The following MAD1L1 variants were observed in gnomAD, a reference collection of about 807,000 sequenced individuals.
The protein encoded by MAD1L1 is mitotic spindle assembly checkpoint protein MAD1.
A neutral mutation model predicts 96.9 loss-of-function variants in MAD1L1; 95 were observed. The ratio of observed to expected loss-of-function variants is 0.98; its 90% CI spans 0.83 to 1.16. The LOEUF (loss-of-function observed/expected upper bound fraction) is 1.16, where lower values mean the gene tolerates loss of function less well. Among genes scored for constraint, MAD1L1 ranks in the 50% most tolerant of loss-of-function variants. The probability of loss-of-function intolerance (pLI) is 0.00; values close to 1 mark genes in which losing one functional copy is unlikely to be tolerated. For synonymous variants in MAD1L1, 473 were observed against 396.6 expected, an observed-to-expected ratio of 1.19 and a Z score of -2.29; for missense variants, 1,007 against 954.4, an observed-to-expected ratio of 1.06 and a Z score of -0.73.
intron 17 of MAD1L1, among the ~76,000 whole-genome samples, chr7:1,923,331 G>C (rs1424517761): frequency 1.3e-5 from 2 of 152,236 alleles, no homozygotes; most frequent in South Asian, 2.1e-4. Flanking sequence ...TAAAACCTGG[G>C]AGTGAGCACA....
intron 18 of MAD1L1, among the ~76,000 whole-genome samples, chr7:1,851,081 G>GC (rs1022850783): frequency 6.6e-6 from 1 of 152,362 alleles, no homozygotes; most frequent in South Asian, 2.1e-4. Context: ...CAGGAAGTAA[G>GC]CCCACAGGCC....
At chr7:2,007,653 G>A (rs1291420839) in intron 13 of MAD1L1, among the ~76,000 whole-genome samples, 7 of 152,272 alleles carry the variant, frequency 4.6e-5, no homozygotes, top group Middle Eastern at 3.4e-3. Context: ...CAGCCCGGGC[G>A]ACTGAGCGAG....
chr7:2,002,054 G>A lies in MAD1L1; in HGVS notation c.1416+11C>T, dbSNP rs373520914. 56 of 1,612,944 alleles carry A rather than the reference G, an allele frequency of 3.5e-5. 1 individual carries two copies. The highest frequency in any genetic ancestry group is 2.1e-4 in the African/African-American group (16 of 74,952). On this transcript the variant is annotated intron_variant, in intron 14 of 18. Transcript: ENST00000265854. ...TGCCCTGAATCCCAGCCACTCCCGC[G>A]TCTGACTCACCATGTCTGCTCTTTG... is the stretch of plus-strand genomic sequence containing the variant.
intron 12 of MAD1L1, among the ~76,000 whole-genome samples, chr7:2,026,305 C>T (rs567934256): frequency 1.3e-5 from 2 of 152,120 alleles, no homozygotes; most frequent in South Asian, 4.2e-4. Flanking sequence ...AAACAGCATC[C>T]AAAGACATAC....
chr7:1,835,727 A>T (rs1366282260), intron 18 of MAD1L1, among the ~76,000 whole-genome samples: 5 of 152,150 alleles, frequency 3.3e-5, no homozygotes, highest in Non-Finnish European at 7.4e-5. Flanking sequence ...GAAAGTAAAG[A>T]AACAGAAGAA....
intron 12 of MAD1L1, 130 bp from the exon 13 acceptor site, chr7:2,014,772 C>G (rs1185262614): frequency 2.8e-6 from 3 of 1,055,342 alleles, no homozygotes; most frequent in African/African-American, 3.2e-5. Flanking sequence ...GGCCAGCACT[C>G]AGAGCCCACC....
At chr7:2,108,088 T>C (rs1318240668) in intron 11 of MAD1L1, among the ~76,000 whole-genome samples, 2 of 152,136 alleles carry the variant, frequency 1.3e-5, no homozygotes, top group Non-Finnish European at 2.9e-5. Context: ...ATGGATCATT[T>C]TTAAATACAA....
chr7:1,984,964 T>C (rs1380286144), intron 14 of MAD1L1, among the ~76,000 whole-genome samples: 2 of 152,242 alleles, frequency 1.3e-5, no homozygotes, highest in Non-Finnish European at 2.9e-5. Context: ...CTCAGCTTTG[T>C]TTCACACCGA....
intron 14 of MAD1L1, among the ~76,000 whole-genome samples, chr7:1,997,623 C>T (rs1781614936): frequency 6.6e-6 from 1 of 152,396 alleles, no homozygotes; most frequent in South Asian, 2.1e-4. Flanking sequence ...CACCTGTAAC[C>T]CCCGGGAAGA....
chr7:1,893,637 T>C lies in MAD1L1; in HGVS notation c.1998+4563A>G, dbSNP rs978153641. Among the ~76,000 whole-genome samples the C allele has an allele frequency of 2.0e-5, 3 of 152,070 alleles. No homozygotes were observed. In the East Asian group the frequency reaches 5.8e-4, roughly 29 times the overall value. ...CAGGAGGGTAGCTCAGGGAAGACCC[T>C]CCTGGGCACACCTAGTGATGCTCAG... On this transcript the variant is annotated intron_variant, in intron 18 of 18. Transcript: ENST00000265854.
chr7:1,965,279 G>A (rs574314315), intron 15 of MAD1L1, among the ~76,000 whole-genome samples: 2 of 152,232 alleles, frequency 1.3e-5, no homozygotes, highest in Non-Finnish European at 2.9e-5. Flanking sequence ...GGAGCACCTC[G>A]CCCCTCCAGG....
At chr7:2,154,215 C>T (rs1040362872) in intron 10 of MAD1L1, among the ~76,000 whole-genome samples, 3 of 152,138 alleles carry the variant, frequency 2.0e-5, no homozygotes, top group African/African-American at 7.2e-5. Context: ...TGGGAGGTGA[C>T]CGTGTCAGGT....
chr7:2,016,668 C>T (rs912307068), intron 12 of MAD1L1, among the ~76,000 whole-genome samples: 2 of 70,698 alleles, frequency 2.8e-5, no homozygotes, highest in Admixed American at 1.7e-4. Flanking sequence ...CAGGCCGCCA[C>T]GTCTGGGGCT....
intron 18 of MAD1L1, among the ~76,000 whole-genome samples, chr7:1,897,439 G>A (rs1435039461): frequency 2.6e-5 from 4 of 152,138 alleles, no homozygotes; most frequent in African/African-American, 9.7e-5. Flanking sequence ...AGGTCATGCC[G>A]GGGCCACAAT....
chr7:2,130,944 G>A (rs1788481734), intron 11 of MAD1L1, among the ~76,000 whole-genome samples: 2 of 152,238 alleles, frequency 1.3e-5, no homozygotes, highest in African/African-American at 2.4e-5. Flanking sequence ...GCTGAGATCT[G>A]CTAAGCTTCC....
chr7:1,839,893 C>G (rs1653216657), intron 18 of MAD1L1, among the ~76,000 whole-genome samples: 1 of 152,194 alleles, frequency 6.6e-6, no homozygotes, highest in Non-Finnish European at 1.5e-5. Context: ...CTCCCCGCCT[C>G]CCCCCATAAC....
At chr7:2,161,891 G>A (rs1462589121) in intron 10 of MAD1L1, among the ~76,000 whole-genome samples, 2 of 147,382 alleles carry the variant, frequency 1.4e-5, no homozygotes, top group Non-Finnish European at 3.0e-5. Flanking sequence ...CCGGGAGGTG[G>A]GGGGCAGCCC....
At chr7:2,195,400 T>C (rs1791934068) in intron 10 of MAD1L1, among the ~76,000 whole-genome samples, 1 of 152,164 alleles carries the variant, frequency 6.6e-6, no homozygotes. Context: ...CTAATTGCAG[T>C]AAACGCTAGC....
intron 16 of MAD1L1, among the ~76,000 whole-genome samples, chr7:1,954,580 G>A (rs897071864): frequency 6.6e-6 from 1 of 152,162 alleles, no homozygotes; most frequent in South Asian, 2.1e-4. Flanking sequence ...CCTGACTCCT[G>A]CGGCTGCACC....
Sources: gnomAD v4.1 joint callset for allele counts (sites outside exome capture counted in the v4.1 genomes callset) on GRCh38, gnomAD v4.1.1 for gene constraint, MANE v1.5 for transcripts, NCBI Gene and HGNC (gene_info 2026-07-23, HGNC 2026-07-21) for gene names.